STS: variants seen among roughly 807,000 people sequenced by gnomAD.
STS encodes the protein steryl-sulfatase.
In STS, 7 loss-of-function variants were observed where a neutral mutation model predicts 26.8. The observed-to-expected ratio is 0.26, with a 90% CI of 0.15 to 0.49. The LOEUF is 0.49. STS is among the 20% of genes least tolerant of loss of function. The pLI is 0.98. For synonymous variants in STS, 199 were observed against 189.4 expected (o/e 1.05, Z -0.42); for missense variants, 434 against 465.6 (o/e 0.93, Z 0.63).
intron 1 of STS, among the ~76,000 whole-genome samples, chrX:7,162,107 G>A (rs1000583939): frequency 8.9e-6 from 1 of 111,842 alleles, no homozygotes; most frequent in Non-Finnish European, 1.9e-5. Context: ...CCTAAGCCAT[G>A]CTTTCTAGAC....
intron 1 of STS, among the ~76,000 whole-genome samples, chrX:7,190,356 C>T (rs187230234): frequency 2.4e-4 from 27 of 111,034 alleles, no homozygotes; most frequent in African/African-American, 5.6e-4. Context: ...CAGGAGGTGG[C>T]GCTCAGGCAG....
intron 8 of STS, among the ~76,000 whole-genome samples, chrX:7,313,692 A>G (rs1328495330): frequency 2.7e-5 from 3 of 112,102 alleles, no homozygotes; most frequent in Non-Finnish European, 5.6e-5. Flanking sequence ...TCTATAGAAC[A>G]TGCCAGGCAC....
chrX:7,205,912 G>A (rs188692200), intron 2 of STS, among the ~76,000 whole-genome samples: 45 of 109,922 alleles, frequency 4.1e-4, no homozygotes, highest in East Asian at 3.2e-3. Context: ...CACCACTCTC[G>A]GTGGAAATCA....
At chrX:7,169,548 C>G (rs375029806) in intron 1 of STS, among the ~76,000 whole-genome samples, 2 of 112,024 alleles carry the variant, frequency 1.8e-5, no homozygotes, top group African/African-American at 6.5e-5. Context: ...GTGTATACCT[C>G]ACAGTAGGAT....
chrX:7,162,025 C>A lies in STS; in HGVS notation c.-134+13942C>A, dbSNP rs1601621712. On this transcript the variant is annotated intron_variant, in intron 1 of 10. Transcript: ENST00000674429. ...TAATGACTCCTCTTTGCATTAAAAACCTAAATAGTAGATGTTGAGCATCCC... is the reference window on the plus strand; with the variant it reads ...TAATGACTCCTCTTTGCATTAAAAAACTAAATAGTAGATGTTGAGCATCCC... 2.7e-5 allele frequency among the ~76,000 whole-genome samples: 3 copies of A among 111,963 alleles called. No homozygotes were observed. The Admixed American group carries it at 2.8e-4, about 11-fold the overall frequency.
At chrX:7,203,686 T>C (rs1357046436) in intron 2 of STS, among the ~76,000 whole-genome samples, 2 of 111,710 alleles carry the variant, frequency 1.8e-5, no homozygotes, top group Non-Finnish European at 3.8e-5. Context: ...TGCAAACTAA[T>C]CCCAAATAAA....
chrX:7,257,470 G>C lies in STS; in HGVS notation c.264G>C (p.Met88Ile), dbSNP rs1923477974. 8.2e-7 allele frequency: 1 copy of C among 1,212,300 alleles called. No homozygotes were observed. Residue 88 changes from methionine to isoleucine, a missense_variant, in exon 5 of 11, where the codon ATG (methionine) becomes ATC (isoleucine). Physicochemically the swap from Met to Ile is conservative, Grantham distance 10. This residue lies in a region of STS where 229 missense variants were observed against 288.3 expected (regional missense o/e 0.79). Transcript: ENST00000674429. ...GTTGATTTTTTCCTGGTCCAGGAAT[G>C]GCATCTTGGTCCCGCACTGGAGTTT... is the stretch of plus-strand genomic sequence containing the variant. ...MTGRYPVRSG[M>I]ASWSRTGVFL...
intron 2 of STS, among the ~76,000 whole-genome samples, chrX:7,236,749 CT>C (rs2147064569): frequency 8.9e-6 from 1 of 111,801 alleles, no homozygotes; most frequent in Non-Finnish European, 1.9e-5. Flanking sequence ...TTTTATTTTT[CT>C]TTAAGCCAAT....
chrX:7,192,797 G>A lies in STS; in HGVS notation c.-5+1789G>A, dbSNP rs769863612. Among the ~76,000 whole-genome samples the A allele has an allele frequency of 3.6e-5, 4 of 111,601 alleles. No homozygotes were observed. The East Asian group carries it at 1.1e-3, about 32-fold the overall frequency. ...AGACTTTGCCCTTCAGAGAGAATTT[G>A]GTAAAGTTTGGAGACATTTTTGGTC... On this transcript the variant is annotated intron_variant, in intron 2 of 10. Coordinates refer to ENST00000674429, the MANE Select transcript of STS (RefSeq NM_001320752.2).
At chrX:7,324,758 C>G (rs1325375456) in intron 8 of STS, among the ~76,000 whole-genome samples, 2 of 111,566 alleles carry the variant, frequency 1.8e-5, no homozygotes, top group African/African-American at 3.3e-5. Context: ...ATGCCCTTTG[C>G]TGAGAGGAGG....
chrX:7,148,267 C>T (rs995853599), intron 1 of STS, 184 bp downstream of exon 1: 13 of 301,052 alleles, frequency 4.3e-5, no homozygotes, highest in Non-Finnish European at 1.7e-5. Context: ...CCCGCGCGTC[C>T]TGGGCTGCCT....
intron 2 of STS, among the ~76,000 whole-genome samples, chrX:7,208,745 T>C (rs1385844941): frequency 8.9e-5 from 10 of 111,834 alleles, no homozygotes; most frequent in African/African-American, 3.2e-4. Context: ...GGGTTAAAAC[T>C]ATGTAAAACA....
chrX:7,183,688 A>G (rs1159693623), intron 1 of STS, among the ~76,000 whole-genome samples: 1 of 112,356 alleles, frequency 8.9e-6, no homozygotes, highest in African/African-American at 3.2e-5. Context: ...TGAGATTTCA[A>G]ATCACCAATT....
intron 1 of STS, among the ~76,000 whole-genome samples, chrX:7,182,155 C>G (rs1288896537): frequency 9.0e-6 from 1 of 111,631 alleles, no homozygotes; most frequent in South Asian, 3.7e-4. Context: ...CCAAGCATCC[C>G]GCGATATTGG....
chrX:7,298,439 T>C (rs141839262), intron 7 of STS, among the ~76,000 whole-genome samples: 24 of 111,701 alleles, frequency 2.1e-4, no homozygotes, highest in African/African-American at 7.5e-4. Context: ...AAGTACTAGA[T>C]TGAATTCACC....
At chrX:7,331,621 G>A (rs1432231902) in intron 9 of STS, among the ~76,000 whole-genome samples, 1 of 111,705 alleles carries the variant, frequency 9.0e-6, no homozygotes, top group Non-Finnish European at 1.9e-5. Context: ...TTTTGTACTA[G>A]CAGCGTTAAT....
intron 8 of STS, among the ~76,000 whole-genome samples, chrX:7,314,292 G>C (rs1287164508): frequency 9.0e-6 from 1 of 111,434 alleles, no homozygotes; most frequent in Non-Finnish European, 1.9e-5. Flanking sequence ...GGGAGGTGGA[G>C]GCTGCAGTGA....
chrX:7,295,789 T>C (rs558193405), intron 7 of STS, among the ~76,000 whole-genome samples: 2 of 110,987 alleles, frequency 1.8e-5, no homozygotes, highest in African/African-American at 6.5e-5. Flanking sequence ...AAACTGAAGG[T>C]TGCATGGATT....
At chrX:7,337,057 C>A (rs1357532535) in intron 10 of STS, among the ~76,000 whole-genome samples, 5 of 111,975 alleles carry the variant, frequency 4.5e-5, no homozygotes, top group Non-Finnish European at 7.5e-5. Context: ...ATCACAGTAT[C>A]TGAAGGCTAG....
Sources: allele counts gnomAD v4.1 joint callset (sites outside exome capture counted in the v4.1 genomes callset), GRCh38; gene constraint gnomAD v4.1.1; regional missense constraint gnomAD v4.1.1; transcripts MANE v1.5; gene names NCBI Gene and HGNC (gene_info 2026-07-23, HGNC 2026-07-21).